Variants in SDK1 observed in about 807,000 individuals in gnomAD.
SDK1 encodes sidekick cell adhesion molecule 1.
In SDK1, 157 loss-of-function variants were observed where a neutral mutation model predicts 245.5. The observed-to-expected ratio is 0.64, with a 90% confidence interval of 0.56 to 0.73. The LOEUF (loss-of-function observed/expected upper bound fraction) is 0.73. SDK1 is among the 30% of genes least tolerant of loss of function. SDK1 has a pLI of 0.00. For synonymous variants in SDK1, 1,647 were observed against 1,278.5 expected (o/e 1.29, Z -6.15); for missense variants, 3,583 against 3,002.3 (o/e 1.19, Z -4.52).
intron 4 of SDK1, among the ~76,000 whole-genome samples, chr7:3,797,670 A>T (rs536498415): frequency 6.6e-6 from 1 of 152,164 alleles, no homozygotes; most frequent in African/African-American, 2.4e-5. Flanking sequence ...AAGTTTTTCC[A>T]CAATTTCTTT....
intron 41 of SDK1, among the ~76,000 whole-genome samples, chr7:4,234,071 C>A (rs573406713): frequency 6.6e-6 from 1 of 152,174 alleles, no homozygotes; most frequent in Non-Finnish European, 1.5e-5. Context: ...GGGGCAAGAA[C>A]CACCCCGGCA....
chr7:3,924,754 T>C (rs750760541), intron 5 of SDK1, among the ~76,000 whole-genome samples: 1 of 152,322 alleles, frequency 6.6e-6, no homozygotes. Context: ...AAGATACTAA[T>C]GAATTTCTTT....
intron 1 of SDK1, among the ~76,000 whole-genome samples, chr7:3,605,257 G>T (rs777931611): frequency 6.6e-6 from 1 of 152,172 alleles, no homozygotes; most frequent in Non-Finnish European, 1.5e-5. Context: ...GGGATATATT[G>T]TGGAATTTTA....
At chr7:3,376,336 A>G (rs917843185) in intron 1 of SDK1, among the ~76,000 whole-genome samples, 3 of 152,204 alleles carry the variant, frequency 2.0e-5, no homozygotes, top group Non-Finnish European at 2.9e-5. Context: ...TCCCCAAGCC[A>G]TAAATTAAAA....
intron 19 of SDK1, among the ~76,000 whole-genome samples, chr7:4,066,325 TTG>T (rs1459213048): frequency 1.3e-5 from 2 of 152,126 alleles, no homozygotes; most frequent in Non-Finnish European, 2.9e-5. Context: ...GCAGCTGTGT[TTG>T]TGTTTGCTGC....
At chr7:3,654,637 G>A (rs1298831328) in intron 4 of SDK1, among the ~76,000 whole-genome samples, 1 of 152,130 alleles carries the variant, frequency 6.6e-6, no homozygotes, top group Admixed American at 6.5e-5. Flanking sequence ...CTGTCTGCAG[G>A]TAGATGACAC....
At chr7:3,503,583 G>C (rs1722839558) in intron 1 of SDK1, among the ~76,000 whole-genome samples, 1 of 152,092 alleles carries the variant, frequency 6.6e-6, no homozygotes, top group Non-Finnish European at 1.5e-5. Flanking sequence ...AGGCTGAGGT[G>C]GGAGGAACAC....
chr7:4,113,373 C>G lies in SDK1; in HGVS notation c.3519C>G (p.Pro1173=), dbSNP rs753658517. 1.2e-6 allele frequency: 2 copies of G among 1,613,958 alleles called. No homozygotes were observed. Among genetic ancestry groups the G allele is most frequent in the Non-Finnish European group, 1.7e-6 (2 of 1,180,040 alleles). Residue 1173 remains proline, a synonymous_variant, in exon 24 of 45, where the codon CCC becomes CCG. Coordinates refer to ENST00000404826, the MANE Select transcript of SDK1 (RefSeq NM_152744.4). ...TCATCCAGACCCTGCAGGCCCCACCCGACGTGGCTCCAACCAGCGTCACGG... is the reference window on the plus strand; with the variant it reads ...TCATCCAGACCCTGCAGGCCCCACCGGACGTGGCTCCAACCAGCGTCACGG... ...SRVIQTLQAP[P]DVAPTSVTVR...
At chr7:4,252,031 G>C (rs1787333475) in intron 44 of SDK1, among the ~76,000 whole-genome samples, 1 of 152,158 alleles carries the variant, frequency 6.6e-6, no homozygotes. Context: ...TGCAATAAAT[G>C]CCCATTGTTC....
chr7:3,814,053 G>T (rs1475992502), intron 4 of SDK1, among the ~76,000 whole-genome samples: 15 of 123,554 alleles, frequency 1.2e-4, no homozygotes, highest in African/African-American at 3.6e-4. Flanking sequence ...TTTCTCCCAT[G>T]TTGTAGGTTG....
chr7:3,611,487 G>A (rs1781586787), intron 1 of SDK1, among the ~76,000 whole-genome samples: 2 of 152,164 alleles, frequency 1.3e-5, no homozygotes, highest in Admixed American at 1.3e-4. Context: ...CAGCTTAGCA[G>A]ATAGAGGACT....
intron 14 of SDK1, among the ~76,000 whole-genome samples, chr7:4,001,648 T>A (rs1785081553): frequency 6.6e-6 from 1 of 152,262 alleles, no homozygotes; most frequent in South Asian, 2.1e-4. Context: ...TGTAGACCTT[T>A]ATGGTTTCTC....
At chr7:3,910,958 G>A (rs1009718201) in intron 5 of SDK1, among the ~76,000 whole-genome samples, 5 of 152,146 alleles carry the variant, frequency 3.3e-5, no homozygotes, top group African/African-American at 7.2e-5. Context: ...AAGCTCAGGC[G>A]TGCTGCTCTG....
In SDK1 at chr7:4,267,365, G is replaced by C. The variant is rs1016292143; in HGVS notation, c.*1981G>C. 2 of 977,082 alleles carry C rather than the reference G, an allele frequency of 2.0e-6. No individual in the cohort carries two copies. Among genetic ancestry groups the C allele is most frequent in the African/African-American group, 1.8e-5 (1 of 54,696 alleles). The allele number at this position is 977,082 out of a possible 1,614,324, so 60.5% of individuals were successfully genotyped here. A position where few individuals can be genotyped will look rare whatever the true frequency, so the allele number is the denominator to read the frequency against. ...TTCTTCCTTTTCTCCTCCTTTTTCT[G>C]AGTGGAGGGGGAAATATTCTAAACC... On this transcript the variant is annotated 3_prime_UTR_variant, in exon 45 of 45. Coordinates refer to ENST00000404826, the MANE Select transcript of SDK1 (RefSeq NM_152744.4).
chr7:3,459,709 C>T lies in SDK1; in HGVS notation c.298+157825C>T, dbSNP rs367876407. 2.6e-5 allele frequency among the ~76,000 whole-genome samples: 4 copies of T among 152,318 alleles called. No homozygotes were observed. The East Asian group carries it at 5.8e-4, about 22-fold the overall frequency. ...GTTGGGAAGACCTTGGTCACATGAA[C>T]CTCCTGGTCGATCATGAATCAAGGG... On this transcript the variant is annotated intron_variant, in intron 1 of 44. Transcript: ENST00000404826.
chr7:3,851,353 T>C (rs1428684558), intron 5 of SDK1, among the ~76,000 whole-genome samples: 1 of 152,194 alleles, frequency 6.6e-6, no homozygotes, highest in Non-Finnish European at 1.5e-5. Context: ...AACTAATATT[T>C]AATTTCCTTT....
intron 1 of SDK1, among the ~76,000 whole-genome samples, chr7:3,312,321 A>G (rs776383780): frequency 3.9e-5 from 6 of 152,218 alleles, no homozygotes; most frequent in Non-Finnish European, 5.9e-5. Flanking sequence ...AAGTCATGCT[A>G]TAGATGAGCT....
intron 44 of SDK1, among the ~76,000 whole-genome samples, chr7:4,264,569 ACCTCTCCTGAGTGGGGAGGCCG>A: frequency 2.5e-5 from 3 of 119,514 alleles, no homozygotes; most frequent in African/African-American, 1.0e-4. Flanking sequence ...GGCCGCGTGG[ACCTCTCCTGAGTGGGGAGGCCG>A]CGTGGACCTC....
intron 4 of SDK1, among the ~76,000 whole-genome samples, chr7:3,731,196 T>G (rs1291104839): frequency 1.3e-5 from 2 of 152,194 alleles, no homozygotes. Flanking sequence ...TGGCCTCCAA[T>G]AGATCCCTCA....
Sources: gnomAD v4.1 joint callset for allele counts (sites outside exome capture counted in the v4.1 genomes callset) on GRCh38, gnomAD v4.1.1 for gene constraint, MANE v1.5 for transcripts, NCBI Gene and HGNC (gene_info 2026-07-23, HGNC 2026-07-21) for gene names.